RAET1E: variants seen among roughly 807,000 people sequenced by gnomAD.
RAET1E encodes the protein NKG2D ligand 4.
In RAET1E, 27 loss-of-function variants were observed where a neutral mutation model predicts 21.1. The ratio of observed to expected loss-of-function variants is 1.28; its 90% confidence interval spans 0.94 to 1.76. RAET1E has a LOEUF of 1.76. Ranked by LOEUF, RAET1E falls within the 40% of genes most tolerant of loss-of-function variation. RAET1E has a pLI of 0.00. For missense variants in RAET1E, 310 were observed against 311.3 expected (o/e 1.00, Z 0.03); for synonymous variants, 113 against 115.0 (o/e 0.98, Z 0.11).
intron 4 of RAET1E, 21 bp downstream of exon 4, chr6:149,889,864 C>T (rs752784930): frequency 6.0e-5 from 97 of 1,607,276 alleles, no homozygotes; most frequent in Non-Finnish European, 7.5e-5. Context: ...CCTCTGTTTG[C>T]CCACCCCATT....
At chr6:149,896,582 C>T (rs1778122987) in intron 1 of RAET1E, among the ~76,000 whole-genome samples, 1 of 151,986 alleles carries the variant, frequency 6.6e-6, no homozygotes, top group Non-Finnish European at 1.5e-5. Flanking sequence ...TACCGCCCTG[C>T]CAATACTGCT....
rs535597835 is a variant in RAET1E, at chr6:149,883,700, AAAAC to A, written c.*4794_*4797del. 8.3e-5 allele frequency: 13 copies of A among 156,192 alleles called. No homozygotes were observed. The highest frequency in any genetic ancestry group is 1.4e-4 in the Non-Finnish European group (10 of 71,458). The allele number at this position is 156,192 out of a possible 1,614,324, so 9.7% of individuals were successfully genotyped here. A position where few individuals can be genotyped will look rare whatever the true frequency, so the allele number is the denominator to read the frequency against. ...AGATAGAGTGAGACTCTGTCTCAAA[AAAAC>A]AAACAAACAAACAAAGAATTACTTG... On this transcript the variant is annotated 3_prime_UTR_variant, in exon 6 of 6. Coordinates refer to ENST00000357183, the MANE Select transcript of RAET1E (RefSeq NM_001394057.1).
Position 149,887,875 on chromosome 6 carries a change from G to C in RAET1E, c.*623C>G, listed in dbSNP as rs1445844610. ...GCAGTGGCGGAGAAACAGGACCAAA[G>C]AGCAGAAGATGTCTGGCAATGTGTC... is the stretch of plus-strand genomic sequence containing the variant. On this transcript the variant is annotated 3_prime_UTR_variant, in exon 6 of 6. Transcript: ENST00000357183. Among the ~76,000 whole-genome samples, 5 of 152,292 alleles carry C rather than the reference G, an allele frequency of 3.3e-5. No individual in the cohort carries two copies. In the East Asian group the frequency reaches 9.6e-4, roughly 29 times the overall value.
chr6:149,897,363 C>T (rs373191811), intron 1 of RAET1E, among the ~76,000 whole-genome samples: 1 of 152,116 alleles, frequency 6.6e-6, no homozygotes, highest in East Asian at 1.9e-4. Context: ...AAGTAAGAAG[C>T]GGGTGATAAG....
chr6:149,890,771 T>A, intron 3 of RAET1E, 46 bp downstream of exon 3: 1 of 1,379,950 alleles, frequency 7.2e-7, no homozygotes, highest in Non-Finnish European at 1.0e-6. Flanking sequence ...CCTACCTTTC[T>A]CCCTCCTCCT....
At chr6:149,894,780 T>A (rs1279825791) in intron 2 of RAET1E, among the ~76,000 whole-genome samples, 1 of 152,208 alleles carries the variant, frequency 6.6e-6, no homozygotes, top group Non-Finnish European at 1.5e-5. Context: ...TTCTGTTAGT[T>A]CGTGAAACTC....
In RAET1E at chr6:149,884,436, TCAGCGATCGAGGACCA is replaced by T; in HGVS notation, c.*4046_*4061del. 4 of 1,519,986 alleles carry T rather than the reference TCAGCGATCGAGGACCA, an allele frequency of 2.6e-6. No individual in the cohort carries two copies. The highest frequency in any genetic ancestry group is 3.5e-6 in the Non-Finnish European group (4 of 1,132,518). The allele number at this position is 1,519,986 out of a possible 1,614,324, so 94.2% of individuals were successfully genotyped here. A position where few individuals can be genotyped will look rare whatever the true frequency, so the allele number is the denominator to read the frequency against. On this transcript the variant is annotated 3_prime_UTR_variant, in exon 6 of 6. Coordinates refer to ENST00000357183, the MANE Select transcript of RAET1E (RefSeq NM_001394057.1). ...CACACAGCAGTGGGAGCCAAGGCTGTCAGCGATCGAGGACCACAGGTGAACAACTCTGCGCCGCCGT... is the reference window on the plus strand; with the variant it reads ...CACACAGCAGTGGGAGCCAAGGCTGTCAGGTGAACAACTCTGCGCCGCCGT...
chr6:149,884,984 C>G lies in RAET1E; in HGVS notation c.*3514G>C, dbSNP rs1210756150. On this transcript the variant is annotated 3_prime_UTR_variant, in exon 6 of 6. Coordinates refer to ENST00000357183, the MANE Select transcript of RAET1E (RefSeq NM_001394057.1). ...TTCAGCCTTCCCTTCTGCTCACAAT[C>G]CCCTCTCCCACGGTCTGTGTGGCCC... Among the ~76,000 whole-genome samples, 1 of 152,174 alleles carries G rather than the reference C, an allele frequency of 6.6e-6. No individual in the cohort carries two copies. The highest frequency in any genetic ancestry group is 2.4e-5 in the African/African-American group (1 of 41,460).
chr6:149,890,852 A>G lies in RAET1E; in HGVS notation c.50T>C (p.Leu17Pro), dbSNP rs113033937. 6.2e-7 allele frequency: 1 copy of G among 1,613,802 alleles called. No homozygotes were observed. The highest frequency in any genetic ancestry group is 8.5e-7 in the Non-Finnish European group (1 of 1,179,732). ...TSSPVRLLLF[L>P]LLLLIALEIM... is the part of the protein sequence containing the mutation. Reference sequence around the variant, plus strand: ...CTCCAAGGCTATTAGTAGCAACAGCAGAAACAAAAGAAGGCGCACAGGGCT... The same window carrying G: ...CTCCAAGGCTATTAGTAGCAACAGCGGAAACAAAAGAAGGCGCACAGGGCT... Residue 17 changes from leucine to proline, a missense_variant, in exon 3 of 6, where the codon CTG (leucine) becomes CCG (proline). By Grantham distance (98) the Leu-to-Pro change is moderately conservative. Transcript: ENST00000357183.
At chr6:149,893,507 G>T (rs1777994435) in intron 2 of RAET1E, among the ~76,000 whole-genome samples, 1 of 152,056 alleles carries the variant, frequency 6.6e-6, no homozygotes, top group Non-Finnish European at 1.5e-5. Context: ...CTGTTTGTCT[G>T]TTATTGTTGC....
Position 149,884,282 on chromosome 6 carries a change from C to G in RAET1E, c.*4216G>C, listed in dbSNP as rs1164875006. ...TGTGAGCTGCTGTGCCCAGCCCTAT[C>G]TTTTAAAAAATATGTACTGAAAAAA... On this transcript the variant is annotated 3_prime_UTR_variant, in exon 6 of 6. Coordinates refer to ENST00000357183, the MANE Select transcript of RAET1E (RefSeq NM_001394057.1). 2 of 557,952 alleles carry G rather than the reference C, an allele frequency of 3.6e-6. No homozygotes were observed. The highest frequency in any genetic ancestry group is 5.9e-5 in the Admixed American group (2 of 33,804). 34.6% of individuals were successfully genotyped at this position (557,952 alleles called of 1,614,324 possible).
At position 149,883,220 on chromosome 6, in the gene RAET1E, A is replaced by G. The variant is rs1777473655; in HGVS notation, c.*5278T>C. On this transcript the variant is annotated 3_prime_UTR_variant, in exon 6 of 6. Coordinates refer to ENST00000357183, the MANE Select transcript of RAET1E (RefSeq NM_001394057.1). ...TTTATAATTTGTAAAGATCTGATAA[A>G]AATTATCAGATGATAAGAATTTACA... Among the ~76,000 whole-genome samples, 2 of 152,336 alleles carry G rather than the reference A, an allele frequency of 1.3e-5. No individual in the cohort carries two copies. Among genetic ancestry groups the G allele is most frequent in the Admixed American group, 1.3e-4 (2 of 15,304 alleles).
rs1777551946 is a variant in RAET1E at position 149,885,129 on chromosome 6, A to C, written c.*3369T>G. Among the ~76,000 whole-genome samples, 1 of 152,204 alleles carries C rather than the reference A, an allele frequency of 6.6e-6. No individual in the cohort carries two copies. Among genetic ancestry groups the C allele is most frequent in the Non-Finnish European group, 1.5e-5 (1 of 68,030 alleles). On this transcript the variant is annotated 3_prime_UTR_variant, in exon 6 of 6. Transcript: ENST00000357183. ...TATACTTTCCCATGGTCAGATGGTC[A>C]GATCATCAAGCTGCTGCCCCACCCA...
Position 149,884,524 on chromosome 6 carries a change from G to A in RAET1E, c.*3974C>T, listed in dbSNP as rs907379020. 6 of 1,535,754 alleles carry A rather than the reference G, an allele frequency of 3.9e-6. No homozygotes were observed. The highest frequency in any genetic ancestry group is 5.2e-6 in the Non-Finnish European group (6 of 1,146,688). On this transcript the variant is annotated 3_prime_UTR_variant, in exon 6 of 6. Transcript: ENST00000357183. ...TTCTGCCTTTAGGAAGGAGACAAAA[G>A]AGTGCAGAACCCTGGGTCAGATCAG... is the stretch of plus-strand genomic sequence containing the variant.
chr6:149,894,933 T>G (rs1329978978), intron 2 of RAET1E, among the ~76,000 whole-genome samples: 1 of 152,226 alleles, frequency 6.6e-6, no homozygotes, highest in Admixed American at 6.5e-5. Context: ...TGGTCTTTAA[T>G]GTTGGTGACC....
intron 2 of RAET1E, among the ~76,000 whole-genome samples, chr6:149,893,589 A>T (rs1244029233): frequency 6.6e-6 from 1 of 152,220 alleles, no homozygotes; most frequent in Non-Finnish European, 1.5e-5. Context: ...TGTCAGCTTA[A>T]GGAGATTTTG....
chr6:149,886,252 G>A lies in RAET1E; in HGVS notation c.*2246C>T, dbSNP rs1322932176. 1.3e-5 allele frequency among the ~76,000 whole-genome samples: 2 copies of A among 152,106 alleles called. No homozygotes were observed. Among genetic ancestry groups the A allele is most frequent in the East Asian group, 3.8e-4 (2 of 5,196 alleles). The stretch of plus-strand genomic sequence containing the variant: ...CTTGTACTTTTTAATTTGATATATA[G>A]TTATTTGGAAGCATATTATTTGATA... On this transcript the variant is annotated 3_prime_UTR_variant, in exon 6 of 6. Coordinates refer to ENST00000357183, the MANE Select transcript of RAET1E (RefSeq NM_001394057.1).
In RAET1E at chr6:149,884,612, T is replaced by C; in HGVS notation, c.*3886A>G. On this transcript the variant is annotated 3_prime_UTR_variant, in exon 6 of 6. Transcript: ENST00000357183. ...ATCCCACCTCTCTCTCAGGGAGAGATCAGCCGCTATTGTTCACATTCTGCC... is the reference window on the plus strand; with the variant it reads ...ATCCCACCTCTCTCTCAGGGAGAGACCAGCCGCTATTGTTCACATTCTGCC... 2.1e-6 allele frequency: 2 copies of C among 930,712 alleles called. No individual in the cohort carries two copies. The highest frequency in any genetic ancestry group is 2.7e-5 in the East Asian group (1 of 37,386). The allele number at this position is 930,712 out of a possible 1,614,324, so 57.7% of individuals were successfully genotyped here.
chr6:149,887,080 C>T lies in RAET1E; in HGVS notation c.*1418G>A, dbSNP rs1777644094. Among the ~76,000 whole-genome samples, 1 of 152,230 alleles carries T rather than the reference C, an allele frequency of 6.6e-6. No homozygotes were observed. The highest frequency in any genetic ancestry group is 6.5e-5 in the Admixed American group (1 of 15,288). On this transcript the variant is annotated 3_prime_UTR_variant, in exon 6 of 6. Coordinates refer to ENST00000357183, the MANE Select transcript of RAET1E (RefSeq NM_001394057.1). ...ACTGACCTCCACCGGCGCTTGATCCCTGCCTGCTCCTGCCCAGACAGGAAG... is the reference window on the plus strand; with the variant it reads ...ACTGACCTCCACCGGCGCTTGATCCTTGCCTGCTCCTGCCCAGACAGGAAG...
Sources: gnomAD v4.1 joint callset for allele counts (sites outside exome capture counted in the v4.1 genomes callset) on GRCh38, gnomAD v4.1.1 for gene constraint, MANE v1.5 for transcripts, NCBI Gene and HGNC (gene_info 2026-07-23, HGNC 2026-07-21) for gene names.